GABRA3: variants seen among roughly 807,000 people sequenced by gnomAD.
GABRA3 encodes gamma-aminobutyric acid type A receptor subunit alpha3.
A neutral mutation model predicts 30.1 loss-of-function variants in GABRA3; 10 were observed. That is an observed-to-expected ratio of 0.33 (90% CI 0.20 to 0.56). The LOEUF is 0.56. Among genes scored for constraint, GABRA3 ranks in the 20% least tolerant of loss-of-function variants. The pLI is 0.89. For missense variants in GABRA3, 233 were observed against 392.0 expected (o/e 0.59, Z 3.42); for synonymous variants, 151 against 146.8 (o/e 1.03, Z -0.21).
chrX:152,242,142 G>T (rs12833553), intron 5 of GABRA3, among the ~76,000 whole-genome samples: 2 of 110,907 alleles, frequency 1.8e-5, no homozygotes, highest in African/African-American at 6.6e-5. Flanking sequence ...ACAGTCAATT[G>T]GTTTTCATAA....
At chrX:152,247,947 T>G (rs756121525) in intron 5 of GABRA3, among the ~76,000 whole-genome samples, 55 of 111,479 alleles carry the variant, frequency 4.9e-4, no homozygotes, top group African/African-American at 1.8e-3. Flanking sequence ...TTGTGGTGGT[T>G]GTTGTCGTTA....
chrX:152,225,416 A>ATG (rs766032497), intron 5 of GABRA3, among the ~76,000 whole-genome samples: 9,851 of 62,029 alleles, frequency 0.16, 1,045 homozygotes, highest in East Asian at 0.45. Context: ...ACACACACAC[A>ATG]CGCACACACA....
intron 5 of GABRA3, among the ~76,000 whole-genome samples, chrX:152,240,783 G>A (rs1256996307): frequency 4.1e-5 from 4 of 98,713 alleles, no homozygotes; most frequent in East Asian, 3.5e-4. Context: ...CCAGTTGATC[G>A]CATCGGCTCC....
chrX:152,282,426 A>T (rs746798448), intron 4 of GABRA3, among the ~76,000 whole-genome samples: 15 of 111,488 alleles, frequency 1.3e-4, no homozygotes, highest in African/African-American at 4.6e-4. Context: ...CAGAAAAAAA[A>T]ACATTTCTCA....
At chrX:152,389,685 A>G (rs1309635046) in intron 1 of GABRA3, among the ~76,000 whole-genome samples, 3 of 111,624 alleles carry the variant, frequency 2.7e-5, no homozygotes, top group South Asian at 3.7e-4. Flanking sequence ...AATGTACCCT[A>G]AGACAACTGC....
chrX:152,383,245 C>T (rs1462711883), intron 1 of GABRA3, among the ~76,000 whole-genome samples: 1 of 107,310 alleles, frequency 9.3e-6, no homozygotes, highest in Non-Finnish European at 1.9e-5. Context: ...AAAAATTAGC[C>T]GGGTGTGGTG....
At chrX:152,241,539 C>G (rs12388910) in intron 5 of GABRA3, among the ~76,000 whole-genome samples, 11,102 of 107,455 alleles carry the variant, frequency 0.1, 1,201 homozygotes, top group East Asian at 0.32. Context: ...CCACCCAGTT[C>G]GAGCTTCCCG....
At chrX:152,378,344 A>G (rs986075289) in intron 1 of GABRA3, among the ~76,000 whole-genome samples, 1 of 112,023 alleles carries the variant, frequency 8.9e-6, no homozygotes, top group African/African-American at 3.2e-5. Context: ...GACCTCCACC[A>G]AAAGAAGTTT....
At chrX:152,286,772 T>G (rs2124440741) in intron 3 of GABRA3, among the ~76,000 whole-genome samples, 1 of 112,051 alleles carries the variant, frequency 8.9e-6, no homozygotes, top group African/African-American at 3.2e-5. Flanking sequence ...GAGAAGAGAC[T>G]ATGAGTATCA....
chrX:152,220,116 C>A (rs1266974287), intron 6 of GABRA3, among the ~76,000 whole-genome samples: 1 of 111,066 alleles, frequency 9.0e-6, no homozygotes, highest in Non-Finnish European at 1.9e-5. Flanking sequence ...GGATAAAGAG[C>A]GTTAAGAAGT....
At chrX:152,179,167 A>T (rs997905497) in intron 9 of GABRA3, among the ~76,000 whole-genome samples, 2 of 111,786 alleles carry the variant, frequency 1.8e-5, no homozygotes, top group Non-Finnish European at 3.8e-5. Flanking sequence ...CTATTTATTC[A>T]TTTTTAATTG....
intron 1 of GABRA3, among the ~76,000 whole-genome samples, chrX:152,421,938 A>G (rs1186149482): frequency 9.6e-6 from 1 of 103,728 alleles, no homozygotes; most frequent in African/African-American, 3.6e-5. Flanking sequence ...GATCTTTCAT[A>G]CACTGCCAGT....
rs1386323446 is a variant in GABRA3 at position 152,267,521 on chromosome X, TG to T, written c.331-11524del. Among the ~76,000 whole-genome samples the T allele has an allele frequency of 3.6e-5, 4 of 111,787 alleles. No homozygotes were observed. The Admixed American group carries it at 3.8e-4, about 11-fold the overall frequency. ...TTTAGCATTGGGGTAACATTGGCCT[TG>T]TGGAATGAGTTTGGACATATTCCCA... On this transcript the variant is annotated intron_variant, in intron 4 of 9. Transcript: ENST00000370314.
chrX:152,303,951 C>T (rs1022505367), intron 3 of GABRA3, among the ~76,000 whole-genome samples: 4 of 111,868 alleles, frequency 3.6e-5, no homozygotes, highest in South Asian at 7.4e-4. Context: ...ATGTTCTGCA[C>T]ATGTATCCCA....
intron 6 of GABRA3, among the ~76,000 whole-genome samples, chrX:152,216,558 T>C (rs751003098): frequency 9.1e-6 from 1 of 109,361 alleles, no homozygotes; most frequent in Non-Finnish European, 1.9e-5. Flanking sequence ...AGACAAATGT[T>C]GCATTGTATC....
intron 1 of GABRA3, among the ~76,000 whole-genome samples, chrX:152,379,845 A>AT (rs889118577): frequency 1.3e-4 from 14 of 107,359 alleles, no homozygotes; most frequent in East Asian, 8.9e-4. Flanking sequence ...GTACAATGTG[A>AT]TTTTTTTTTT....
chrX:152,182,545 T>C (rs1386052646), intron 9 of GABRA3, among the ~76,000 whole-genome samples: 1 of 79,991 alleles, frequency 1.3e-5, no homozygotes, highest in Non-Finnish European at 2.3e-5. Context: ...ATATATAGTG[T>C]ATATATACAC....
At chrX:152,284,486 A>T (rs1226689762) in intron 4 of GABRA3, among the ~76,000 whole-genome samples, 182 bp downstream of exon 4, 1 of 111,553 alleles carries the variant, frequency 9.0e-6, no homozygotes, top group South Asian at 3.8e-4. Context: ...TTATATGTGA[A>T]TAGGTGGGGA....
intron 1 of GABRA3, among the ~76,000 whole-genome samples, chrX:152,414,945 C>A (rs116479748): frequency 9.3e-6 from 1 of 107,961 alleles, no homozygotes; most frequent in African/African-American, 3.4e-5. Context: ...CTGTATAGTG[C>A]TAATTATGAC....
Sources: allele counts gnomAD v4.1 joint callset (sites outside exome capture counted in the v4.1 genomes callset), GRCh38; gene constraint gnomAD v4.1.1; transcripts MANE v1.5; gene names NCBI Gene and HGNC (gene_info 2026-07-23, HGNC 2026-07-21).